SLC28A3: variants seen among roughly 807,000 people sequenced by gnomAD.
The protein encoded by SLC28A3 is solute carrier family 28 member 3, also known as concentrative Na(+)-nucleoside cotransporter 3.
A neutral mutation model predicts 84.2 loss-of-function variants in SLC28A3; 68 were observed. That is an observed-to-expected ratio of 0.81 (90% confidence interval 0.66 to 0.99). SLC28A3 has a LOEUF of 0.99. Ranked by LOEUF, SLC28A3 falls within the 50% of genes least tolerant of loss-of-function variation. The pLI, the probability that SLC28A3 is intolerant of heterozygous loss-of-function variation, is 0.00. For synonymous variants in SLC28A3, 267 were observed against 303.6 expected (o/e 0.88, Z 1.25); for missense variants, 712 against 841.5 (o/e 0.85, Z 1.90).
the SLC28A3 span, among the ~76,000 whole-genome samples, chr9:84,364,659 C>T: frequency 6.6e-6 from 1 of 152,144 alleles, no homozygotes; most frequent in Non-Finnish European, 1.5e-5. Context: ...CCTACCTCCC[C>T]TGCAGACCCC....
chr9:84,364,989 C>G, the SLC28A3 span, among the ~76,000 whole-genome samples: 1 of 152,168 alleles, frequency 6.6e-6, no homozygotes, highest in Non-Finnish European at 1.5e-5. Context: ...CATGTGAGTG[C>G]CGGTATCTCT....
chr9:84,278,252 G>A lies in SLC28A3; in HGVS notation c.2042C>T (p.Thr681Ile), dbSNP rs762133696. The stretch of plus-strand genomic sequence containing the variant: ...ATTAGAGATCCCATTGCAGTTAAAG[G>A]TCGATGGATTCAACAATGTGCAGCA... ...KGCCTLLNPS[T>I]FNCNGISNTF The change falls in exon 18 of 18, where the codon ACC becomes ATC. Residue 681 changes from threonine to isoleucine, a missense_variant. Thr to Ile is a moderately conservative substitution (Grantham distance 89). Transcript: ENST00000376238. 8.1e-6 allele frequency: 13 copies of A among 1,614,020 alleles called. No homozygotes were observed. Among genetic ancestry groups the A allele is most frequent in the East Asian group, 2.2e-5 (1 of 44,872 alleles).
At chr9:84,341,835 A>T (rs1827164857), upstream of SLC28A3, among the ~76,000 whole-genome samples, 1 of 152,126 alleles carries the variant, frequency 6.6e-6, no homozygotes, top group African/African-American at 2.4e-5. Context: ...CTGTGGACAA[A>T]AGAATGGAAA....
At chr9:84,362,511 A>G in the SLC28A3 span, among the ~76,000 whole-genome samples, 1 of 152,240 alleles carries the variant, frequency 6.6e-6, no homozygotes, top group African/African-American at 2.4e-5. Context: ...GCATGCCTGT[A>G]GTCCCAGCTA....
intron 1 of SLC28A3, among the ~76,000 whole-genome samples, chr9:84,325,378 C>T (rs562353185): frequency 1.3e-5 from 2 of 152,232 alleles, no homozygotes; most frequent in South Asian, 4.1e-4. Context: ...GCTCAATATA[C>T]TTTGTTGAAT....
chr9:84,360,791 CCT>C, the SLC28A3 span, among the ~76,000 whole-genome samples: 1 of 151,926 alleles, frequency 6.6e-6, no homozygotes, highest in African/African-American at 2.4e-5. Flanking sequence ...GTGGTGCGCA[CCT>C]GTAGTCTTGC....
At chr9:84,335,325 T>C (rs145086466) in intron 1 of SLC28A3, among the ~76,000 whole-genome samples, 13 of 152,140 alleles carry the variant, frequency 8.5e-5, no homozygotes, top group African/African-American at 2.9e-4. Context: ...CAGGAAGAGA[T>C]GGGAGGATCA....
intron 1 of SLC28A3, among the ~76,000 whole-genome samples, chr9:84,319,520 A>T (rs73649408): frequency 1.3e-5 from 2 of 152,150 alleles, no homozygotes; most frequent in African/African-American, 4.8e-5. Flanking sequence ...AAATAAAAAC[A>T]TAAAAATTAT....
At chr9:84,309,545 AAAAG>A (rs368549116) in intron 3 of SLC28A3, 80 bp downstream of exon 3, 128 of 841,710 alleles carry the variant, frequency 1.5e-4, no homozygotes, top group Admixed American at 6.1e-4. Context: ...AAAAAAAAAA[AAAAG>A]AAATCAAATG....
At chr9:84,338,252 A>G (rs371360575) in intron 1 of SLC28A3, among the ~76,000 whole-genome samples, 36 of 152,350 alleles carry the variant, frequency 2.4e-4, no homozygotes, top group African/African-American at 8.4e-4. Context: ...CTTATTTGGA[A>G]GTCCTGGTGG....
At chr9:84,313,520 A>G in intron 1 of SLC28A3, 66 bp from the exon 2 acceptor site, 2 of 1,328,356 alleles carry the variant, frequency 1.5e-6, no homozygotes, top group South Asian at 2.5e-5. Flanking sequence ...TCTTTCATGA[A>G]AAATACCTAG....
chr9:84,336,961 CTCAG>C (rs1183500238), intron 1 of SLC28A3, among the ~76,000 whole-genome samples: 2 of 152,164 alleles, frequency 1.3e-5, no homozygotes, highest in African/African-American at 4.8e-5. Flanking sequence ...TCACAGACTC[CTCAG>C]TCAGCTCAGC....
intron 10 of SLC28A3, among the ~76,000 whole-genome samples, chr9:84,291,288 A>G (rs1825210186): frequency 6.6e-6 from 1 of 152,200 alleles, no homozygotes; most frequent in Non-Finnish European, 1.5e-5. Context: ...GGAAGGAAGC[A>G]TGGGATGGGC....
intron 2 of SLC28A3, among the ~76,000 whole-genome samples, chr9:84,311,007 A>G (rs945963576): frequency 4.6e-5 from 7 of 152,034 alleles, no homozygotes; most frequent in Admixed American, 2.0e-4. Context: ...ACAACTACAA[A>G]TCTCCCTTGA....
intron 1 of SLC28A3, among the ~76,000 whole-genome samples, chr9:84,325,058 A>G (rs1173560560): frequency 6.6e-6 from 1 of 152,228 alleles, no homozygotes; most frequent in Non-Finnish European, 1.5e-5. Flanking sequence ...AGCTTAACTT[A>G]TCATTGGTTT....
chr9:84,298,496 AC>A (rs139188516), intron 6 of SLC28A3, among the ~76,000 whole-genome samples: 9,204 of 151,968 alleles, frequency 0.061, 888 homozygotes, highest in African/African-American at 0.21. Flanking sequence ...CAAGAAAAAA[AC>A]AAAAACAAAC....
At chr9:84,355,124 C>T in the SLC28A3 span, among the ~76,000 whole-genome samples, 8 of 152,036 alleles carry the variant, frequency 5.3e-5, no homozygotes, top group Non-Finnish European at 1.0e-4. Flanking sequence ...GGGTGCTGGA[C>T]GTCGTATGGA....
rs144769374 is a variant in SLC28A3 at position 84,287,188 on chromosome 9, C to T, written c.1280+860G>A. Among the ~76,000 whole-genome samples, 15 of 152,034 alleles carry T rather than the reference C, an allele frequency of 9.9e-5. No individual in the cohort carries two copies. The East Asian group carries it at 2.9e-3, about 30-fold the overall frequency. On this transcript the variant is annotated intron_variant, in intron 12 of 17. Transcript: ENST00000376238. Reference sequence around the variant, plus strand: ...AACAAACAAACAAACAAAAAAACAACATTGTGCAAGTCTGCACACTGAGTA... The same window carrying T: ...AACAAACAAACAAACAAAAAAACAATATTGTGCAAGTCTGCACACTGAGTA...
rs531698712 is a variant in SLC28A3, at chr9:84,327,851, A to C, written c.60+12723T>G. ...GAAGTCAGGAGAATTGCTTGAACCC[A>C]GGAGGCAGAGGTTGCAGTCAGCCAA... On this transcript the variant is annotated intron_variant, in intron 1 of 17. Coordinates refer to ENST00000376238, the MANE Select transcript of SLC28A3 (RefSeq NM_001199633.2). Among the ~76,000 whole-genome samples the C allele has an allele frequency of 3.4e-5, 5 of 147,428 alleles. No individual in the cohort carries two copies. The Admixed American group carries it at 3.5e-4, about 10-fold the overall frequency.
Sources: gnomAD v4.1 joint callset for allele counts (sites outside exome capture counted in the v4.1 genomes callset) on GRCh38, gnomAD v4.1.1 for gene constraint, MANE v1.5 for transcripts, NCBI Gene and HGNC (gene_info 2026-07-23, HGNC 2026-07-21) for gene names.